Variants in RMND5A observed in about 807,000 individuals in gnomAD.
The protein encoded by RMND5A is required for meiotic nuclear division 5 homolog A.
A neutral mutation model predicts 49.7 loss-of-function variants in RMND5A; 17 were observed. The ratio of observed to expected loss-of-function variants is 0.34; its 90% CI spans 0.23 to 0.51. RMND5A has a LOEUF of 0.51. Ranked by LOEUF, RMND5A falls within the 20% of genes least tolerant of loss-of-function variation. The pLI, the probability that RMND5A is intolerant of heterozygous loss-of-function variation, is 0.96. For synonymous variants in RMND5A, 156 were observed against 167.7 expected (o/e 0.93, Z 0.54); for missense variants, 255 against 471.3 (o/e 0.54, Z 4.25).
At chr2:86,746,080 A>C (rs1183263972) in intron 2 of RMND5A, among the ~76,000 whole-genome samples, 1 of 152,222 alleles carries the variant, frequency 6.6e-6, no homozygotes, top group Non-Finnish European at 1.5e-5. Flanking sequence ...TGGTATAAAA[A>C]AATGACATAT....
In RMND5A at chr2:86,760,051, C is replaced by CT. The variant is rs1232218082; in HGVS notation, c.522-4966dup. Among the ~76,000 whole-genome samples the CT allele has an allele frequency of 2.4e-3, 359 of 148,354 alleles. 1 individual carries two copies. Among genetic ancestry groups the CT allele is most frequent in the African/African-American group, 7.3e-3 (296 of 40,520 alleles). On this transcript the variant is annotated intron_variant, in intron 4 of 8. Transcript: ENST00000283632. ...GTGTCCTTTCTCTCCTGTTTGTATT[C>CT]TTTTTTTTTTGAGACGGAGTTTCAC...
intron 7 of RMND5A, 60 bp from the exon 8 acceptor site, chr2:86,771,498 T>C: frequency 2.7e-6 from 4 of 1,475,382 alleles, no homozygotes; most frequent in Non-Finnish European, 3.7e-6. Context: ...TATATTACCA[T>C]GTGGATGGTT....
chr2:86,765,833 T>C (rs1672580508), intron 5 of RMND5A, 26 bp from the exon 6 acceptor site: 1 of 1,607,722 alleles, frequency 6.2e-7, no homozygotes, highest in East Asian at 2.2e-5. Context: ...AGCAAACTAA[T>C]GCTTTCTTGC....
At chr2:86,752,599 A>T (rs2138396) in intron 3 of RMND5A, among the ~76,000 whole-genome samples, 100,998 of 152,092 alleles carry the variant, frequency 0.66, 33,741 homozygotes, top group East Asian at 0.91. Context: ...CCTTGCTGCA[A>T]TCCCATGAAG....
chr2:86,772,600 T>C (rs1273299855), intron 8 of RMND5A, among the ~76,000 whole-genome samples: 1 of 141,756 alleles, frequency 7.1e-6, no homozygotes, highest in African/African-American at 2.6e-5. Context: ...TGAGCTCAGC[T>C]TTTTTTTTTT....
rs74489582 is a variant in RMND5A at position 86,720,827 on chromosome 2, G to A, written c.142+18G>A. On this transcript the variant is annotated intron_variant, in intron 1 of 8. Transcript: ENST00000283632. ...GAGCCACGGTAGGGCGGCCCGCGTG[G>A]GCGCGCGGGGCATGGCCCACTGCCC... 2.0e-5 allele frequency: 32 copies of A among 1,566,114 alleles called. No individual in the cohort carries two copies. The highest frequency in any genetic ancestry group is 2.6e-5 in the Non-Finnish European group (30 of 1,157,842).
intron 4 of RMND5A, among the ~76,000 whole-genome samples, chr2:86,755,082 C>A (rs926756326): frequency 6.6e-6 from 1 of 151,868 alleles, no homozygotes; most frequent in Non-Finnish European, 1.5e-5. Flanking sequence ...ATACCTCTAA[C>A]ACCTCTTAAA....
intron 8 of RMND5A, 99 bp from the exon 9 acceptor site, chr2:86,773,249 T>C (rs1672712139): frequency 1.7e-6 from 1 of 604,994 alleles, no homozygotes; most frequent in African/African-American, 1.9e-5. Flanking sequence ...TGTTCTTATA[T>C]GTGTGTATAA....
chr2:86,750,278 A>G (rs1681610938), intron 2 of RMND5A, among the ~76,000 whole-genome samples: 2 of 152,182 alleles, frequency 1.3e-5, no homozygotes, highest in South Asian at 2.1e-4. Flanking sequence ...GACTTTAGCA[A>G]TACTTTTAGA....
chr2:86,746,018 A>G (rs542325385), intron 2 of RMND5A, among the ~76,000 whole-genome samples: 3 of 152,226 alleles, frequency 2.0e-5, no homozygotes, highest in Non-Finnish European at 2.9e-5. Context: ...TGGGTGGAGT[A>G]TCTACATTGG....
intron 6 of RMND5A, among the ~76,000 whole-genome samples, chr2:86,767,624 CTTAA>C (rs1231418332): frequency 6.6e-6 from 1 of 152,034 alleles, no homozygotes; most frequent in African/African-American, 2.4e-5. Context: ...TTTGAAAGGT[CTTAA>C]TTAAGTATGA....
At chr2:86,747,253 T>C (rs912562481) in intron 2 of RMND5A, among the ~76,000 whole-genome samples, 5 of 152,246 alleles carry the variant, frequency 3.3e-5, no homozygotes, top group African/African-American at 1.2e-4. Flanking sequence ...TAATTTTGCC[T>C]TTCTTTGACC....
intron 1 of RMND5A, among the ~76,000 whole-genome samples, chr2:86,728,164 AAC>A (rs3051430): frequency 0.033 from 2,017 of 60,966 alleles, 116 homozygotes; most frequent in East Asian, 0.046. Flanking sequence ...TTTTAAAAGA[AAC>A]ATTATTCATG....
chr2:86,759,969 A>G (rs1320035234), intron 4 of RMND5A, among the ~76,000 whole-genome samples: 2 of 152,082 alleles, frequency 1.3e-5, no homozygotes, highest in Non-Finnish European at 2.9e-5. Context: ...TTTCCTCATT[A>G]TATCAGTCTG....
chr2:86,720,985 G>T, intron 1 of RMND5A, 176 bp downstream of exon 1: 1 of 528,988 alleles, frequency 1.9e-6, no homozygotes, highest in South Asian at 2.8e-5. Flanking sequence ...GATTTACCTC[G>T]AACCTGCCGC....
At chr2:86,759,816 G>A (rs1681817081) in intron 4 of RMND5A, among the ~76,000 whole-genome samples, 1 of 151,932 alleles carries the variant, frequency 6.6e-6, no homozygotes. Context: ...AAAAACGTGG[G>A]GAGGAAGGAA....
In RMND5A at chr2:86,751,919, T is replaced by C. The variant is rs1681640867; in HGVS notation, c.309T>C (p.Ser103=). The C allele has an allele frequency of 1.2e-6, 2 of 1,613,466 alleles. No individual in the cohort carries two copies. Among genetic ancestry groups the C allele is most frequent in the Non-Finnish European group, 1.7e-6 (2 of 1,179,694 alleles). Residue 103 remains serine (S), a synonymous_variant, in exon 3 of 9, where the codon AGT becomes AGC. Coordinates refer to ENST00000283632, the MANE Select transcript of RMND5A (RefSeq NM_022780.4). ...AGAATTTTGATTCTGACATTAGCAG[T>C]GTGGGAATAGATGGCTGCTGGCAGG... ...IDKNFDSDIS[S]VGIDGCWQAD... is the part of the protein sequence containing the mutation.
chr2:86,753,681 C>A, intron 4 of RMND5A, 123 bp downstream of exon 4: 1 of 500,104 alleles, frequency 2.0e-6, no homozygotes, highest in Non-Finnish European at 3.5e-6. Flanking sequence ...TCAGAGAAAT[C>A]AAAGGAGAAT....
Position 86,720,422 on chromosome 2 carries a change from G to C in RMND5A, c.-246G>C, listed in dbSNP as rs1357123460. 5.5e-6 allele frequency: 1 copy of C among 181,068 alleles called. No individual in the cohort carries two copies. The highest frequency in any genetic ancestry group is 1.1e-5 in the Non-Finnish European group (1 of 88,246). 11.2% of individuals were successfully genotyped at this position (181,068 alleles called of 1,614,324 possible). A position where few individuals can be genotyped will look rare whatever the true frequency, so the allele number is the denominator to read the frequency against. On this transcript the variant is annotated 5_prime_UTR_variant, in exon 1 of 9. Coordinates refer to ENST00000283632, the MANE Select transcript of RMND5A (RefSeq NM_022780.4). ...CGCGAGCGGGGCCTGGGGACGCGGA[G>C]CCGAGTGCAGCGAGCGAACGGGAGC... is the stretch of plus-strand genomic sequence containing the variant.
Sources: gnomAD v4.1 joint callset for allele counts (sites outside exome capture counted in the v4.1 genomes callset) on GRCh38, gnomAD v4.1.1 for gene constraint, MANE v1.5 for transcripts, NCBI Gene and HGNC (gene_info 2026-07-23, HGNC 2026-07-21) for gene names.